The following COL19A1 variants were observed in gnomAD, a reference collection of about 807,000 sequenced individuals.
COL19A1 encodes the protein collagen type XIX alpha 1 chain, also known as collagen alpha-1(XIX) chain.
Under a neutral mutation model 190.2 loss-of-function variants are expected in COL19A1, and 159 were observed. That is an observed-to-expected ratio of 0.84 (90% CI 0.73 to 0.95). COL19A1 has a LOEUF of 0.95. Ranked by LOEUF, COL19A1 falls within the 40% of genes least tolerant of loss-of-function variation. The pLI is 0.00. For missense variants in COL19A1, 1,418 were observed against 1,431.9 expected (o/e 0.99, Z 0.16); for synonymous variants, 509 against 458.9 (o/e 1.11, Z -1.39).
intron 1 of COL19A1, among the ~76,000 whole-genome samples, chr6:69,872,574 A>T (rs1373035951): frequency 6.6e-6 from 1 of 152,220 alleles, no homozygotes; most frequent in Non-Finnish European, 1.5e-5. Flanking sequence ...CAAGAGCTAG[A>T]TTAAGAAAGT....
chr6:70,123,111 G>GA (rs1431556244), intron 17 of COL19A1, among the ~76,000 whole-genome samples: 5 of 151,856 alleles, frequency 3.3e-5, no homozygotes, highest in Admixed American at 6.6e-5. Flanking sequence ...AAATTTATAA[G>GA]AAAAAAACAA....
intron 16 of COL19A1, among the ~76,000 whole-genome samples, chr6:70,107,635 C>G (rs1326747331): frequency 6.6e-6 from 1 of 152,110 alleles, no homozygotes; most frequent in African/African-American, 2.4e-5. Flanking sequence ...CTTTACAGTT[C>G]TCCAAAAATC....
chr6:70,080,111 T>C (rs1782152700), intron 15 of COL19A1, among the ~76,000 whole-genome samples: 1 of 152,236 alleles, frequency 6.6e-6, no homozygotes, highest in Admixed American at 6.5e-5. Context: ...TAAAGGCTTA[T>C]TGCATATTCA....
chr6:70,004,902 G>A (rs113947741), intron 11 of COL19A1, among the ~76,000 whole-genome samples: 14,964 of 150,544 alleles, frequency 0.099, 803 homozygotes, highest in East Asian at 0.21. Flanking sequence ...GCTCGATCTC[G>A]GCTCACTGTA....
At chr6:70,158,222 G>A (rs577128909) in intron 34 of COL19A1, among the ~76,000 whole-genome samples, 2 of 152,042 alleles carry the variant, frequency 1.3e-5, no homozygotes, top group East Asian at 1.9e-4. Context: ...GGGAAATAAC[G>A]GATATAATCT....
intron 9 of COL19A1, among the ~76,000 whole-genome samples, chr6:69,940,190 C>G (rs965649907): frequency 4.0e-4 from 61 of 151,966 alleles, no homozygotes; most frequent in Non-Finnish European, 1.5e-4. Flanking sequence ...GTTGTTAGAG[C>G]CTATACCTTT....
chr6:69,916,093 T>C (rs926821428), intron 4 of COL19A1, among the ~76,000 whole-genome samples: 1 of 152,060 alleles, frequency 6.6e-6, no homozygotes, highest in African/African-American at 2.4e-5. Flanking sequence ...TCTGCCACCA[T>C]GCCTGGCTAA....
chr6:70,070,551 A>G (rs1053586695), intron 15 of COL19A1, among the ~76,000 whole-genome samples: 1 of 152,118 alleles, frequency 6.6e-6, no homozygotes, highest in Non-Finnish European at 1.5e-5. Flanking sequence ...CATTATCCAC[A>G]TTTACAAATA....
At chr6:69,916,728 ATCCCTCCTT>A (rs1771335399) in intron 4 of COL19A1, among the ~76,000 whole-genome samples, 1 of 152,222 alleles carries the variant, frequency 6.6e-6, no homozygotes, top group Admixed American at 6.5e-5. Flanking sequence ...ATTTACTTAT[ATCCCTCCTT>A]AATACTTATG....
intron 31 of COL19A1, among the ~76,000 whole-genome samples, chr6:70,154,927 G>A (rs760183529): frequency 2.0e-5 from 3 of 152,202 alleles, no homozygotes; most frequent in Non-Finnish European, 4.4e-5. Flanking sequence ...TGATTAGATG[G>A]TGCTCACCCA....
chr6:70,161,945 G>A lies in COL19A1; in HGVS notation c.2338G>A (p.Gly780Arg). ...CATTCCAGGTGCTCCAGGCCCGACT[G>A]GACCCCCTGTAAGTATTTGTTAAAA... is the stretch of plus-strand genomic sequence containing the variant. ...PGIPGAPGPTGPPGLMGRTGH... is the reference protein window; with the variant it reads ...PGIPGAPGPTRPPGLMGRTGH... The change falls in exon 35 of 51, where the codon GGA becomes AGA. Residue 780 changes from glycine (G) to arginine (R), a missense_variant. Transcript: ENST00000620364. The A allele has an allele frequency of 1.2e-6, 2 of 1,603,432 alleles. No individual in the cohort carries two copies. The highest frequency in any genetic ancestry group is 1.1e-5 in the South Asian group (1 of 89,458).
intron 12 of COL19A1, among the ~76,000 whole-genome samples, chr6:70,025,801 A>G (rs1778701947): frequency 6.6e-6 from 1 of 152,240 alleles, no homozygotes; most frequent in East Asian, 1.9e-4. Context: ...AGAGTAAAAT[A>G]TAAGTAATTA....
At chr6:69,896,543 C>CAAAAAAAAAA (rs61409385) in intron 2 of COL19A1, among the ~76,000 whole-genome samples, 37 of 71,686 alleles carry the variant, frequency 5.2e-4, no homozygotes, top group East Asian at 1.1e-3. Flanking sequence ...GACTCCGTCT[C>CAAAAAAAAAA]AAAAAAAAAA....
chr6:69,975,325 A>G (rs1775655427), intron 11 of COL19A1, among the ~76,000 whole-genome samples: 1 of 152,304 alleles, frequency 6.6e-6, no homozygotes, highest in Non-Finnish European at 1.5e-5. Flanking sequence ...TTATTCTAGC[A>G]CTTTGAGCAG....
At chr6:70,024,187 T>C (rs1562095586) in intron 12 of COL19A1, among the ~76,000 whole-genome samples, 3 of 152,168 alleles carry the variant, frequency 2.0e-5, no homozygotes, top group Non-Finnish European at 4.4e-5. Flanking sequence ...ACCCCAGTCA[T>C]CTTCTCCCCT....
intron 14 of COL19A1, among the ~76,000 whole-genome samples, chr6:70,060,049 A>G (rs1281504164): frequency 6.6e-6 from 1 of 152,164 alleles, no homozygotes; most frequent in Admixed American, 6.6e-5. Flanking sequence ...AAATTGGAAT[A>G]AGTTCCACAA....
At chr6:69,902,747 A>T (rs1770270073) in intron 4 of COL19A1, among the ~76,000 whole-genome samples, 2 of 152,146 alleles carry the variant, frequency 1.3e-5, no homozygotes, top group Non-Finnish European at 2.9e-5. Context: ...TTCCCTGGCC[A>T]TTCCCCTACC....
intron 9 of COL19A1, among the ~76,000 whole-genome samples, chr6:69,954,037 C>T (rs552782574): frequency 7.9e-5 from 12 of 152,010 alleles, no homozygotes; most frequent in Admixed American, 2.6e-4. Flanking sequence ...CTGCCAAAGC[C>T]GGTGTAAGGT....
intron 16 of COL19A1, 39 bp downstream of exon 16, chr6:70,102,261 T>TG: frequency 7.2e-7 from 1 of 1,379,686 alleles, no homozygotes. Flanking sequence ...TTAAAGAGTC[T>TG]GTCTTTATGT....
Sources: gnomAD v4.1 joint callset for allele counts (sites outside exome capture counted in the v4.1 genomes callset) on GRCh38, gnomAD v4.1.1 for gene constraint, MANE v1.5 for transcripts, NCBI Gene and HGNC (gene_info 2026-07-23, HGNC 2026-07-21) for gene names.